Variants in ATG3 observed in about 807,000 individuals in gnomAD.
The protein encoded by ATG3 is autophagy related 3, also known as ubiquitin-like-conjugating enzyme ATG3.
A neutral mutation model predicts 50.7 loss-of-function variants in ATG3; 25 were observed. The observed-to-expected ratio is 0.49, with a 90% CI of 0.36 to 0.69. The LOEUF (loss-of-function observed/expected upper bound fraction) is 0.69, where lower values mean the gene tolerates loss of function less well. Among genes scored for constraint, ATG3 ranks in the 30% least tolerant of loss-of-function variants. ATG3 has a pLI of 0.00. For synonymous variants in ATG3, 119 were observed against 125.5 expected (o/e 0.95, Z 0.34); for missense variants, 281 against 376.0 (o/e 0.75, Z 2.09).
chr3:112,532,945 A>C (rs1420562348), intron 11 of ATG3, 165 bp from the exon 12 acceptor site: 7 of 1,290,174 alleles, frequency 5.4e-6, no homozygotes, highest in Non-Finnish European at 5.9e-6. Flanking sequence ...GTGTCTATTT[A>C]ACATGAGGCT....
intron 1 of ATG3, 112 bp downstream of exon 1, chr3:112,561,345 A>G: frequency 1.8e-6 from 2 of 1,114,798 alleles, no homozygotes; most frequent in East Asian, 2.5e-5. Flanking sequence ...CTCGAGCCCT[A>G]CTGCCTTCCT....
Position 112,553,332 on chromosome 3 carries a change from A to C in ATG3, c.115-3T>G. On this transcript the variant is annotated splice_region_variant and splice_polypyrimidine_tract_variant and intron_variant, in intron 2 of 11. Transcript: ENST00000283290. ...AGGTGATCTCCAGCTGCCACAAACT[A>C]TTCAGGATTTAAAAGTAATATGAAA... The C allele has an allele frequency of 4.3e-6, 7 of 1,610,080 alleles. No homozygotes were observed. Among genetic ancestry groups the C allele is most frequent in the Non-Finnish European group, 6.0e-6 (7 of 1,176,246 alleles).
chr3:112,561,478 C>T lies in ATG3; in HGVS notation c.51G>A (p.Glu17=). ...TTACCTTGAGGACCGGGGTCAGGTA[C>T]TCAGCCACTTCCAGTGCCTTTCCCT... The part of the protein sequence containing the change: ...TVKGKALEVA[E]YLTPVLKESK... The change falls in exon 1 of 12, where the codon GAG becomes GAA. Residue 17 remains glutamate (E), a synonymous_variant. Transcript: ENST00000283290. 1.2e-6 allele frequency: 2 copies of T among 1,613,516 alleles called. No individual in the cohort carries two copies. The highest frequency in any genetic ancestry group is 2.2e-5 in the East Asian group (1 of 44,876).
At chr3:112,552,282 G>C (rs560713076) in intron 3 of ATG3, among the ~76,000 whole-genome samples, 1 of 152,022 alleles carries the variant, frequency 6.6e-6, no homozygotes, top group Non-Finnish European at 1.5e-5. Context: ...TACCAACAGG[G>C]AGTCTTTATC....
At chr3:112,554,369 T>G (rs1366838800) in intron 2 of ATG3, among the ~76,000 whole-genome samples, 1 of 152,234 alleles carries the variant, frequency 6.6e-6, no homozygotes, top group African/African-American at 2.4e-5. Flanking sequence ...ATCAAGGTAC[T>G]TTGTAATCTC....
intron 1 of ATG3, among the ~76,000 whole-genome samples, chr3:112,559,317 G>C (rs1295637472): frequency 1.3e-5 from 2 of 151,956 alleles, no homozygotes; most frequent in African/African-American, 2.4e-5. Context: ...TTTTCTGGTA[G>C]AGTCTACAAA....
At chr3:112,546,107 C>T (rs1053505002) in intron 5 of ATG3, among the ~76,000 whole-genome samples, 1 of 151,994 alleles carries the variant, frequency 6.6e-6, no homozygotes. Flanking sequence ...GACTTGCCAG[C>T]CCATATAATC....
chr3:112,553,600 T>C (rs1933585427), intron 2 of ATG3, among the ~76,000 whole-genome samples: 1 of 152,240 alleles, frequency 6.6e-6, no homozygotes, highest in African/African-American at 2.4e-5. Flanking sequence ...ATTCAGTTTT[T>C]ATAATTGGAT....
intron 8 of ATG3, 96 bp downstream of exon 8, chr3:112,538,050 T>C: frequency 8.1e-7 from 1 of 1,235,626 alleles, no homozygotes. Flanking sequence ...ATGAACAAAT[T>C]AGAATGTCTT....
intron 10 of ATG3, 95 bp downstream of exon 10, chr3:112,536,380 T>A: frequency 6.9e-7 from 1 of 1,447,378 alleles, no homozygotes; most frequent in Non-Finnish European, 9.4e-7. Context: ...GAAAATTTTT[T>A]TCTGTTAGGG....
chr3:112,552,416 A>T (rs1933552561), intron 3 of ATG3, among the ~76,000 whole-genome samples: 1 of 152,054 alleles, frequency 6.6e-6, no homozygotes. Flanking sequence ...AAAAAAAATA[A>T]AAACTTAAAG....
intron 11 of ATG3, chr3:112,533,802 T>C: frequency 1.0e-6 from 1 of 985,688 alleles, no homozygotes; most frequent in Non-Finnish European, 1.2e-6. Context: ...TGCTACTGTC[T>C]TGAGAAAAAT....
chr3:112,535,732 A>G (rs1329433228), intron 10 of ATG3: 1 of 152,230 alleles, frequency 6.6e-6, no homozygotes, highest in Non-Finnish European at 1.5e-5. Flanking sequence ...AGAAAACAAA[A>G]TGTTTCATCT....
chr3:112,561,472 C>T lies in ATG3; in HGVS notation c.57G>A (p.Leu19=), dbSNP rs1159369693. The change falls in exon 1 of 12, where the codon CTG becomes CTA. Residue 19 remains leucine (L), a synonymous_variant. Coordinates refer to ENST00000283290, the MANE Select transcript of ATG3 (RefSeq NM_022488.5). The part of the protein sequence containing the change: ...KGKALEVAEY[L]TPVLKESKFK... ...CCTGGCTTACCTTGAGGACCGGGGT[C>T]AGGTACTCAGCCACTTCCAGTGCCT... is the stretch of plus-strand genomic sequence containing the variant. The T allele has an allele frequency of 3.1e-6, 5 of 1,613,556 alleles. No homozygotes were observed. The highest frequency in any genetic ancestry group is 3.4e-6 in the Non-Finnish European group (4 of 1,179,990).
Position 112,548,767 on chromosome 3 carries a change from A to C in ATG3, c.236-127T>G, listed in dbSNP as rs73853466. 1.2e-3 allele frequency: 886 copies of C among 742,532 alleles called. 5 individuals are homozygous for C. The African/African-American group carries it at 0.014, about 12-fold the overall frequency. 46.0% of individuals were successfully genotyped at this position (742,532 alleles called of 1,614,324 possible). ...CACCAAAGTACTAAGTGAATATTTCACTTTTAAAGGTGATTAAGAGTTACA... is the reference window on the plus strand; with the variant it reads ...CACCAAAGTACTAAGTGAATATTTCCCTTTTAAAGGTGATTAAGAGTTACA... On this transcript the variant is annotated intron_variant, in intron 4 of 11. Coordinates refer to ENST00000283290, the MANE Select transcript of ATG3 (RefSeq NM_022488.5).
chr3:112,561,414 G>T, intron 1 of ATG3, 43 bp downstream of exon 1: 1 of 1,596,720 alleles, frequency 6.3e-7, no homozygotes, highest in Non-Finnish European at 8.6e-7. Flanking sequence ...CTGAAAAGTC[G>T]AGCATGTGCC....
chr3:112,537,976 T>C, intron 8 of ATG3, 86 bp from the exon 9 acceptor site: 1 of 1,362,314 alleles, frequency 7.3e-7, no homozygotes, highest in Non-Finnish European at 1.0e-6. Context: ...CCATTCTATA[T>C]TTTGTTTTCT....
At chr3:112,554,647 C>A (rs1219712681) in intron 2 of ATG3, among the ~76,000 whole-genome samples, 3 of 152,248 alleles carry the variant, frequency 2.0e-5, no homozygotes, top group Non-Finnish European at 4.4e-5. Context: ...TGCCAAATTA[C>A]TTCTATTTTG....
chr3:112,558,539 GTCTA>G (rs1273215963), intron 1 of ATG3, 122 bp from the exon 2 acceptor site: 12 of 726,488 alleles, frequency 1.7e-5, no homozygotes, highest in East Asian at 2.5e-5. Context: ...AAAAAAATTA[GTCTA>G]TCTATCTAAT....
Sources: gnomAD v4.1 joint callset for allele counts (sites outside exome capture counted in the v4.1 genomes callset) on GRCh38, gnomAD v4.1.1 for gene constraint, MANE v1.5 for transcripts, NCBI Gene and HGNC (gene_info 2026-07-23, HGNC 2026-07-21) for gene names.